The following NIBAN2 variants were observed in gnomAD, a reference collection of about 807,000 sequenced individuals.
The protein encoded by NIBAN2 is niban apoptosis regulator 2.
A neutral mutation model predicts 81.8 loss-of-function variants in NIBAN2; 36 were observed. That is an observed-to-expected ratio of 0.44 (90% CI 0.34 to 0.58). The LOEUF (loss-of-function observed/expected upper bound fraction) is 0.58, where lower values mean the gene tolerates loss of function less well. Among genes scored for constraint, NIBAN2 ranks in the 20% least tolerant of loss-of-function variants. The probability of loss-of-function intolerance (pLI) is 0.02; values close to 1 mark genes in which losing one functional copy is unlikely to be tolerated. For synonymous variants in NIBAN2, 445 were observed against 441.6 expected (o/e 1.01, Z -0.10); for missense variants, 897 against 1,014.1 (o/e 0.88, Z 1.57).
At chr9:127,547,422 C>A (rs552730350) in intron 1 of NIBAN2, among the ~76,000 whole-genome samples, 6 of 152,288 alleles carry the variant, frequency 3.9e-5, no homozygotes, top group African/African-American at 1.2e-4. Flanking sequence ...AAGGTTGAGG[C>A]AGGAGAATCG....
intron 1 of NIBAN2, chr9:127,561,251 A>G (rs1837769432): frequency 1.0e-6 from 1 of 985,362 alleles, no homozygotes; most frequent in African/African-American, 1.7e-5. Context: ...GGAAGGGAAG[A>G]AGATTCTCAT....
chr9:127,536,637 A>T lies in NIBAN2; in HGVS notation c.56-4859T>A, dbSNP rs1837284126. ...GCAGCCTCTGGAGACACCACACGCCACGGATTTGGGGCAGATGTTGGACAG... is the reference window on the plus strand; with the variant it reads ...GCAGCCTCTGGAGACACCACACGCCTCGGATTTGGGGCAGATGTTGGACAG... On this transcript the variant is annotated intron_variant, in intron 1 of 13. Transcript: ENST00000373312. This position sits in a 1 kb window ranked among gnomAD's most constrained non-coding sequence, Gnocchi z 4.0. 6.6e-6 allele frequency among the ~76,000 whole-genome samples: 1 copy of T among 152,168 alleles called. No homozygotes were observed. The highest frequency in any genetic ancestry group is 1.5e-5 in the Non-Finnish European group (1 of 68,026).
chr9:127,558,157 C>T lies in NIBAN2; in HGVS notation c.55+10663G>A, dbSNP rs531194812. Reference sequence around the variant, plus strand: ...CAGCCCCTCACTGTCTGCGCATAGACGGGCCTGGGCTGTCTCCTCGGACAC... The same window carrying T: ...CAGCCCCTCACTGTCTGCGCATAGATGGGCCTGGGCTGTCTCCTCGGACAC... On this transcript the variant is annotated intron_variant, in intron 1 of 13. Transcript: ENST00000373312. 5.3e-5 allele frequency among the ~76,000 whole-genome samples: 8 copies of T among 152,240 alleles called. No homozygotes were observed. The South Asian group carries it at 1.0e-3, about 20-fold the overall frequency.
Position 127,558,003 on chromosome 9 carries a change from G to A in NIBAN2, c.55+10817C>T, listed in dbSNP as rs544529544. 2.0e-5 allele frequency among the ~76,000 whole-genome samples: 3 copies of A among 152,054 alleles called. No homozygotes were observed. In the East Asian group the frequency reaches 5.9e-4, roughly 30 times the overall value. On this transcript the variant is annotated intron_variant, in intron 1 of 13. Coordinates refer to ENST00000373312, the MANE Select transcript of NIBAN2 (RefSeq NM_022833.4). ...GGCCAGGAGGGCTGACCCCAGGAGA[G>A]TCCTAGGGGGTCAGCCCCTACCTCC... is the stretch of plus-strand genomic sequence containing the variant.
chr9:127,547,627 C>T (rs909946061), intron 1 of NIBAN2, among the ~76,000 whole-genome samples: 2 of 152,006 alleles, frequency 1.3e-5, no homozygotes, highest in East Asian at 1.9e-4. Flanking sequence ...CATCTGAGGT[C>T]GGGAGTTCGA....
At chr9:127,571,711 AAG>A (rs1491246141), upstream of NIBAN2, among the ~76,000 whole-genome samples, 9 of 70,500 alleles carry the variant, frequency 1.3e-4, no homozygotes, top group South Asian at 4.6e-4. Context: ...AACAAAACCA[AAG>A]AAAAAAACAG....
intron 1 of NIBAN2, among the ~76,000 whole-genome samples, chr9:127,539,855 A>C (rs1837345669): frequency 6.6e-6 from 1 of 152,230 alleles, no homozygotes; most frequent in Non-Finnish European, 1.5e-5. Flanking sequence ...CTCTGGGTCC[A>C]AGTCCCAGCT....
intron 1 of NIBAN2, among the ~76,000 whole-genome samples, chr9:127,541,988 C>T (rs371179607): frequency 4.9e-4 from 75 of 152,238 alleles, no homozygotes; most frequent in African/African-American, 1.6e-3. Flanking sequence ...TGCCTCTAGT[C>T]ACTGCCCCCC....
At chr9:127,516,267 C>G (rs1462166606) in intron 8 of NIBAN2, among the ~76,000 whole-genome samples, 1 of 152,230 alleles carries the variant, frequency 6.6e-6, no homozygotes, top group Non-Finnish European at 1.5e-5. Context: ...GGCGTACAGT[C>G]TGGGCACAGT....
At chr9:127,546,967 G>A (rs1165540482) in intron 1 of NIBAN2, among the ~76,000 whole-genome samples, 1 of 151,246 alleles carries the variant, frequency 6.6e-6, no homozygotes, top group East Asian at 2.0e-4. Context: ...GTCCCTGCTA[G>A]GGGAGGGAGG....
upstream of NIBAN2, among the ~76,000 whole-genome samples, chr9:127,572,561 C>A (rs1049799529): frequency 6.6e-6 from 1 of 151,926 alleles, no homozygotes. Flanking sequence ...GAGATGATGC[C>A]TTGGGACCTG....
At chr9:127,540,037 G>A (rs1837348901) in intron 1 of NIBAN2, among the ~76,000 whole-genome samples, 1 of 152,172 alleles carries the variant, frequency 6.6e-6, no homozygotes, top group South Asian at 2.1e-4. Flanking sequence ...CACCAATGGG[G>A]GCTCCTAAGA....
intron 1 of NIBAN2, among the ~76,000 whole-genome samples, chr9:127,550,394 C>A (rs1305498028): frequency 6.6e-6 from 1 of 152,244 alleles, no homozygotes; most frequent in Non-Finnish European, 1.5e-5. Context: ...CTGTTGCCAG[C>A]TCGCTCACAC....
chr9:127,517,917 T>C lies in NIBAN2; in HGVS notation c.614A>G (p.Glu205Gly). The change falls in exon 6 of 14, where the codon GAG becomes GGG. Residue 205 changes from glutamate (E) to glycine (G), a missense_variant. Transcript: ENST00000373312. This position sits in a 1 kb window ranked among gnomAD's most constrained non-coding sequence, Gnocchi z 4.0. ...NNGIPEDSKV[E>G]GPAFTDAIRM... is the part of the protein sequence containing the mutation. ...GATGGCATCTGTGAACGCAGGGCCC[T>C]CTACCTTGGAGTCCTCAGGGATTCC... 6.2e-7 allele frequency: 1 copy of C among 1,610,952 alleles called. No homozygotes were observed. Among genetic ancestry groups the C allele is most frequent in the Non-Finnish European group, 8.5e-7 (1 of 1,178,462 alleles).
At chr9:127,513,962 C>T (rs1333771460) in intron 8 of NIBAN2, among the ~76,000 whole-genome samples, 2 of 152,136 alleles carry the variant, frequency 1.3e-5, no homozygotes, top group Non-Finnish European at 2.9e-5. Context: ...TTTAATTGTA[C>T]ACTTAAAAGT....
At position 127,517,562 on chromosome 9, in the gene NIBAN2, T is replaced by C. The variant is rs1173733555; in HGVS notation, c.705+264A>G. 1.3e-5 allele frequency among the ~76,000 whole-genome samples: 2 copies of C among 152,200 alleles called. No individual in the cohort carries two copies. The highest frequency in any genetic ancestry group is 4.8e-5 in the African/African-American group (2 of 41,446). The stretch of plus-strand genomic sequence containing the variant: ...TTCTCCTGCTATACGGAGAGCTCCC[T>C]GAGGGCCAGGAATTTGTCCACATCA... On this transcript the variant is annotated intron_variant, in intron 6 of 13. Transcript: ENST00000373312. This position sits in a 1 kb window ranked among gnomAD's most constrained non-coding sequence, Gnocchi z 4.0.
intron 1 of NIBAN2, among the ~76,000 whole-genome samples, chr9:127,540,767 C>T (rs1837363269): frequency 6.6e-6 from 1 of 152,252 alleles, no homozygotes; most frequent in Non-Finnish European, 1.5e-5. Flanking sequence ...ACCATGGGGG[C>T]TGCACGCCGG....
At chr9:127,534,628 C>T (rs544948046) in intron 1 of NIBAN2, among the ~76,000 whole-genome samples, 1 of 152,296 alleles carries the variant, frequency 6.6e-6, no homozygotes, top group South Asian at 2.1e-4. Flanking sequence ...GGATGCCCCC[C>T]AACCCCTCTC....
intron 2 of NIBAN2, among the ~76,000 whole-genome samples, chr9:127,527,554 A>G (rs1837098739): frequency 6.6e-6 from 1 of 152,196 alleles, no homozygotes; most frequent in Non-Finnish European, 1.5e-5. Flanking sequence ...GCATCCAGGC[A>G]GGGTGGTGAT....
Sources: allele counts gnomAD v4.1 joint callset (sites outside exome capture counted in the v4.1 genomes callset), GRCh38; gene constraint gnomAD v4.1.1; non-coding constraint Gnocchi (gnomAD v3.1); transcripts MANE v1.5; gene names NCBI Gene and HGNC (gene_info 2026-07-23, HGNC 2026-07-21).